The following GMDS variants were observed in gnomAD, a reference collection of about 807,000 sequenced individuals.
The protein encoded by GMDS is GDP-mannose 4,6-dehydratase.
Under a neutral mutation model 49.9 loss-of-function variants are expected in GMDS, and 20 were observed. That is an observed-to-expected ratio of 0.40 (90% confidence interval 0.28 to 0.58). The LOEUF (loss-of-function observed/expected upper bound fraction) is 0.58. Ranked by LOEUF, GMDS falls within the 20% of genes least tolerant of loss-of-function variation. The pLI is 0.42. For synonymous variants in GMDS, 177 were observed against 178.6 expected, an observed-to-expected ratio of 0.99 and a Z score of 0.07; for missense variants, 362 against 481.4, an observed-to-expected ratio of 0.75 and a Z score of 2.32.
At chr6:2,104,411 TTTGTAC>T (rs1263332073) in intron 4 of GMDS, among the ~76,000 whole-genome samples, 1 of 152,244 alleles carries the variant, frequency 6.6e-6, no homozygotes, top group East Asian at 1.9e-4. Context: ...ATGGAGTCAG[TTTGTAC>T]TGTCACTCAT....
chr6:2,071,945 C>A (rs575809501), intron 4 of GMDS, among the ~76,000 whole-genome samples: 13 of 152,092 alleles, frequency 8.5e-5, no homozygotes, highest in African/African-American at 2.7e-4. Context: ...ATTAAAGCAA[C>A]GAAGGGGGGA....
rs1197094134 is a variant in GMDS at position 1,914,903 on chromosome 6, C to T, written c.771+15200G>A. On this transcript the variant is annotated intron_variant, in intron 7 of 10. Transcript: ENST00000380815. ...CCTCTCTCCCACACAGGCCCCCCTC[C>T]TGCTTAGGCCTGGGCAGAAGTGTGC... is the stretch of plus-strand genomic sequence containing the variant. Among the ~76,000 whole-genome samples the T allele has an allele frequency of 2.6e-5, 4 of 152,350 alleles. 1 individual carries two copies. In the South Asian group the frequency reaches 8.3e-4, roughly 32 times the overall value.
intron 4 of GMDS, among the ~76,000 whole-genome samples, chr6:2,052,375 G>A (rs146359094): frequency 4.4e-3 from 676 of 152,128 alleles, no homozygotes; most frequent in Middle Eastern, 0.01. Context: ...TTAAGACTTC[G>A]GAAAAGAAGT....
In GMDS at chr6:1,664,171, C is replaced by G. The variant is rs535937712; in HGVS notation, c.988-39631G>C. On this transcript the variant is annotated intron_variant, in intron 9 of 10. Transcript: ENST00000380815. The stretch of plus-strand genomic sequence containing the variant: ...GTTTCTTAAATGTTACCCATTCTTA[C>G]TGCAAAAATCAACTCTTGGAATCTT... Among the ~76,000 whole-genome samples, 20 of 152,326 alleles carry G rather than the reference C, an allele frequency of 1.3e-4. No individual in the cohort carries two copies. In the South Asian group the frequency reaches 4.1e-3, roughly 32 times the overall value.
intron 4 of GMDS, among the ~76,000 whole-genome samples, chr6:1,995,611 A>C (rs1766228495): frequency 6.6e-6 from 1 of 152,160 alleles, no homozygotes; most frequent in South Asian, 2.1e-4. Flanking sequence ...TGAAGCATTT[A>C]ATCTTCCACC....
At chr6:1,729,127 C>T (rs1189988069) in intron 8 of GMDS, among the ~76,000 whole-genome samples, 1 of 152,174 alleles carries the variant, frequency 6.6e-6, no homozygotes, top group Non-Finnish European at 1.5e-5. Context: ...CACGGCTAGA[C>T]TGCTTGAATT....
At chr6:1,902,006 A>T (rs1463511072) in intron 7 of GMDS, among the ~76,000 whole-genome samples, 2 of 152,354 alleles carry the variant, frequency 1.3e-5, no homozygotes, top group East Asian at 3.9e-4. Context: ...ATACTTCAAA[A>T]TTAAAATACA....
intron 4 of GMDS, among the ~76,000 whole-genome samples, chr6:2,019,273 TC>T (rs931112289): frequency 6.6e-6 from 1 of 151,894 alleles, no homozygotes; most frequent in African/African-American, 2.4e-5. Context: ...CTTCTTCCTT[TC>T]CAATGTGGAT....
intron 8 of GMDS, among the ~76,000 whole-genome samples, chr6:1,736,296 T>C (rs1204963179): frequency 6.6e-6 from 1 of 152,116 alleles, no homozygotes; most frequent in African/African-American, 2.4e-5. Flanking sequence ...ACATAAATGA[T>C]AGTAGGATTC....
intron 7 of GMDS, among the ~76,000 whole-genome samples, chr6:1,789,428 C>A (rs1769440198): frequency 6.6e-6 from 1 of 152,042 alleles, no homozygotes. Flanking sequence ...TTAGGAAATG[C>A]CAAGGATGTA....
At chr6:1,800,385 C>CATCT (rs771665723) in intron 7 of GMDS, among the ~76,000 whole-genome samples, 121 of 152,238 alleles carry the variant, frequency 7.9e-4, no homozygotes, top group Non-Finnish European at 7.1e-4. Context: ...GAGGGTTAGA[C>CATCT]ATCTATAAAA....
Position 1,959,931 on chromosome 6 carries a change from G to C in GMDS, c.579C>G (p.Phe193Leu). 1 of 1,610,710 alleles carries C rather than the reference G, an allele frequency of 6.2e-7. No individual in the cohort carries two copies. Among genetic ancestry groups the C allele is most frequent in the Non-Finnish European group, 8.5e-7 (1 of 1,178,706 alleles). Residue 193 changes from phenylalanine to leucine, a missense_variant, in exon 6 of 11, where the codon TTC (phenylalanine) becomes TTG (leucine). Phe to Leu is a conservative substitution (Grantham distance 22). Transcript: ENST00000380815. ...CTGCAAAGAGATTATACGCCTCACG[G>C]AAGTTCACCACAATCCAATAGGCAT... ...KLYAYWIVVN[F>L]REAYNLFAVN...
intron 1 of GMDS, among the ~76,000 whole-genome samples, chr6:2,185,504 TAAACATCTTC>T (rs1337657184): frequency 6.6e-6 from 1 of 152,218 alleles, no homozygotes; most frequent in Admixed American, 6.5e-5. Context: ...GTGGAAGAGT[TAAACATCTTC>T]AACGAGTGTC....
chr6:1,994,334 C>A (rs1766142891), intron 4 of GMDS, among the ~76,000 whole-genome samples: 1 of 152,146 alleles, frequency 6.6e-6, no homozygotes, highest in Non-Finnish European at 1.5e-5. Flanking sequence ...AGGCTACACT[C>A]TTAGGTGATA....
At chr6:1,821,611 GTTTTTTTTTTTTT>G (rs3039703) in intron 7 of GMDS, among the ~76,000 whole-genome samples, 3 of 109,854 alleles carry the variant, frequency 2.7e-5, no homozygotes, top group South Asian at 2.9e-4. Flanking sequence ...CAATTTATTT[GTTTTTTTTTTTTT>G]TTTTTTTTTT....
intron 9 of GMDS, among the ~76,000 whole-genome samples, chr6:1,633,997 T>C (rs1236826378): frequency 1.3e-5 from 2 of 152,244 alleles, no homozygotes; most frequent in African/African-American, 4.8e-5. Flanking sequence ...AGTATGGAAC[T>C]GACTATAAAC....
chr6:1,980,506 A>G (rs1483945546), intron 4 of GMDS, among the ~76,000 whole-genome samples: 4 of 152,186 alleles, frequency 2.6e-5, no homozygotes, highest in Non-Finnish European at 1.5e-5. Flanking sequence ...TAACTGTCTT[A>G]CATATACAAA....
chr6:2,097,745 T>A (rs1773691496), intron 4 of GMDS, among the ~76,000 whole-genome samples: 1 of 152,142 alleles, frequency 6.6e-6, no homozygotes, highest in Non-Finnish European at 1.5e-5. Flanking sequence ...AGGCTCCAGT[T>A]CCGCCCTAAA....
At chr6:1,743,772 T>TA (rs11361365) in intron 7 of GMDS, among the ~76,000 whole-genome samples, 41 of 144,956 alleles carry the variant, frequency 2.8e-4, no homozygotes, top group Admixed American at 6.2e-4. Context: ...GATGAAGATT[T>TA]AAAAAAAAAA....
Sources: gnomAD v4.1 joint callset for allele counts (sites outside exome capture counted in the v4.1 genomes callset) on GRCh38, gnomAD v4.1.1 for gene constraint, MANE v1.5 for transcripts, NCBI Gene and HGNC (gene_info 2026-07-23, HGNC 2026-07-21) for gene names.